NOX4: variants seen among roughly 807,000 people sequenced by gnomAD.
NOX4 encodes kidney oxidase-1.
NOX4 carries 69 observed loss-of-function variants against 87.6 expected under a neutral mutation model. The observed-to-expected ratio is 0.79, with a 90% CI of 0.65 to 0.96. The LOEUF (loss-of-function observed/expected upper bound fraction) is 0.96, where lower values mean the gene tolerates loss of function less well. NOX4 is among the 40% of genes least tolerant of loss of function. The probability of loss-of-function intolerance (pLI) is 0.00; values close to 1 mark genes in which losing one functional copy is unlikely to be tolerated. For synonymous variants in NOX4, 275 were observed against 238.2 expected (o/e 1.15, Z -1.42); for missense variants, 680 against 681.5 (o/e 1.00, Z 0.02).
chr11:89,387,401 T>C (rs1173512988), intron 11 of NOX4, among the ~76,000 whole-genome samples: 1 of 151,906 alleles, frequency 6.6e-6, no homozygotes, highest in African/African-American at 2.4e-5. Context: ...TTGACTGTAA[T>C]TTTCCATTAC....
At chr11:89,558,572 GGCTT>G in the NOX4 span, among the ~76,000 whole-genome samples, 3 of 152,036 alleles carry the variant, frequency 2.0e-5, no homozygotes, top group African/African-American at 7.2e-5. Context: ...TTATTTCCCA[GGCTT>G]AGTAGTACCC....
intron 2 of NOX4, among the ~76,000 whole-genome samples, chr11:89,453,482 C>T (rs1644272351): frequency 6.6e-6 from 1 of 152,180 alleles, no homozygotes; most frequent in Non-Finnish European, 1.5e-5. Flanking sequence ...TTGGTGATAG[C>T]TAACTTAAAG....
At chr11:89,449,221 G>A (rs1717663791) in intron 4 of NOX4, among the ~76,000 whole-genome samples, 1 of 151,994 alleles carries the variant, frequency 6.6e-6, no homozygotes, top group South Asian at 2.1e-4. Flanking sequence ...TTTTACGTGT[G>A]GTTTAAAACA....
intron 13 of NOX4, among the ~76,000 whole-genome samples, chr11:89,346,232 G>GA (rs1284222056): frequency 2.0e-5 from 3 of 151,382 alleles, no homozygotes; most frequent in Non-Finnish European, 2.9e-5. Flanking sequence ...AACATGGTTT[G>GA]AAAAAAAACC....
intron 11 of NOX4, among the ~76,000 whole-genome samples, chr11:89,395,425 T>G (rs550362590): frequency 7.2e-5 from 11 of 152,334 alleles, no homozygotes; most frequent in Non-Finnish European, 1.5e-4. Flanking sequence ...ATTGGTAGAT[T>G]GCAAAAATTT....
chr11:89,456,474 G>C (rs1945204494), intron 2 of NOX4, among the ~76,000 whole-genome samples: 1 of 152,104 alleles, frequency 6.6e-6, no homozygotes, highest in East Asian at 1.9e-4. Flanking sequence ...ACATGGGGAA[G>C]ACTAGCAAAC....
At chr11:89,458,800 A>C (rs945062607) in intron 2 of NOX4, among the ~76,000 whole-genome samples, 1 of 152,214 alleles carries the variant, frequency 6.6e-6, no homozygotes, top group African/African-American at 2.4e-5. Flanking sequence ...AAAGTTAAAA[A>C]ATAACAGATT....
At chr11:89,432,729 C>T in intron 7 of NOX4, 55 bp downstream of exon 7, 1 of 1,310,078 alleles carries the variant, frequency 7.6e-7, no homozygotes, top group South Asian at 1.2e-5. Flanking sequence ...TTACTCAAGA[C>T]TTTTTCTAAA....
At chr11:89,463,314 A>C (rs975962189) in intron 2 of NOX4, among the ~76,000 whole-genome samples, 1 of 151,936 alleles carries the variant, frequency 6.6e-6, no homozygotes, top group Admixed American at 6.6e-5. Context: ...TCAAAGAATC[A>C]GTTCCCTTTG....
At chr11:89,467,349 CAAAAAAAAAAAAAAA>C (rs71052233) in intron 2 of NOX4, among the ~76,000 whole-genome samples, 1 of 61,424 alleles carries the variant, frequency 1.6e-5, no homozygotes, top group African/African-American at 5.7e-5. Context: ...AAACTCGTCA[CAAAAAAAAAAAAAAA>C]AAAAAAAAAA....
chr11:89,562,476 T>A, the NOX4 span, among the ~76,000 whole-genome samples: 1 of 150,916 alleles, frequency 6.6e-6, no homozygotes, highest in African/African-American at 2.4e-5. Flanking sequence ...ATAAGTAACC[T>A]GCCCGTATCT....
At chr11:89,394,221 T>C (rs961611249) in intron 11 of NOX4, among the ~76,000 whole-genome samples, 1 of 152,160 alleles carries the variant, frequency 6.6e-6, no homozygotes, top group Non-Finnish European at 1.5e-5. Context: ...ATACACTGTT[T>C]TAAGAAAGTA....
chr11:89,500,997 G>A (rs905724491), upstream of NOX4, among the ~76,000 whole-genome samples: 1 of 152,042 alleles, frequency 6.6e-6, no homozygotes, highest in African/African-American at 2.4e-5. Flanking sequence ...GCTAGAAAGT[G>A]ATGTCCTTTG....
upstream of NOX4, among the ~76,000 whole-genome samples, chr11:89,496,978 G>A (rs1255518164): frequency 6.6e-6 from 1 of 152,086 alleles, no homozygotes; most frequent in Non-Finnish European, 1.5e-5. Context: ...ATGATATTAA[G>A]TAGTAGATTT....
chr11:89,570,415 G>A, the NOX4 span, among the ~76,000 whole-genome samples: 1 of 152,174 alleles, frequency 6.6e-6, no homozygotes, highest in Non-Finnish European at 1.5e-5. Flanking sequence ...TTACCTGGGT[G>A]ATGAAATAAT....
At chr11:89,491,638 T>C, upstream of NOX4, 1 of 245,182 alleles carries the variant, frequency 4.1e-6, no homozygotes, top group Non-Finnish European at 7.8e-6. Flanking sequence ...CCCCGCAGCC[T>C]CTACCCAGGC....
At chr11:89,436,486 T>A (rs1944086132) in intron 6 of NOX4, among the ~76,000 whole-genome samples, 1 of 152,206 alleles carries the variant, frequency 6.6e-6, no homozygotes, top group Non-Finnish European at 1.5e-5. Context: ...GCCAAACCTA[T>A]ACTTGTTTCC....
At chr11:89,490,977 G>A (rs1309501872) in intron 1 of NOX4, 1 of 713,276 alleles carries the variant, frequency 1.4e-6, no homozygotes, top group Admixed American at 2.0e-5. Context: ...TCCCATCAAT[G>A]TGCAGAAAAA....
chr11:89,344,639 A>G (rs752803665), intron 13 of NOX4, among the ~76,000 whole-genome samples: 1 of 152,182 alleles, frequency 6.6e-6, no homozygotes, highest in Non-Finnish European at 1.5e-5. Flanking sequence ...TCTTCACCGA[A>G]CATTTAATCC....
Sources: gnomAD v4.1 joint callset for allele counts (sites outside exome capture counted in the v4.1 genomes callset) on GRCh38, gnomAD v4.1.1 for gene constraint, MANE v1.5 for transcripts, NCBI Gene and HGNC (gene_info 2026-07-23, HGNC 2026-07-21) for gene names.